SETBP1: variants seen among roughly 807,000 people sequenced by gnomAD.
SETBP1 encodes SET binding protein 1.
A neutral mutation model predicts 101.0 loss-of-function variants in SETBP1; 9 were observed. That is an observed-to-expected ratio of 0.09 (90% CI 0.05 to 0.16). SETBP1 has a LOEUF of 0.16. Ranked by LOEUF, SETBP1 falls within the 10% of genes least tolerant of loss-of-function variation. SETBP1 has a pLI of 1.00. For missense variants in SETBP1, 1,858 were observed against 2,033.8 expected (o/e 0.91, Z 1.66); for synonymous variants, 818 against 788.5 (o/e 1.04, Z -0.63).
At chr18:44,791,347 A>C (rs1235992055) in intron 2 of SETBP1, among the ~76,000 whole-genome samples, 1 of 152,218 alleles carries the variant, frequency 6.6e-6, no homozygotes, top group Non-Finnish European at 1.5e-5. Flanking sequence ...GTAGAGAAAG[A>C]AGATGGGAGA....
chr18:44,954,056 G>T (rs1337466590), intron 4 of SETBP1, among the ~76,000 whole-genome samples: 1 of 152,130 alleles, frequency 6.6e-6, no homozygotes, highest in East Asian at 1.9e-4. Flanking sequence ...GTGTCTCTTT[G>T]CATGCCCACT....
chr18:44,777,454 C>T (rs933128425), intron 2 of SETBP1, among the ~76,000 whole-genome samples: 2 of 152,266 alleles, frequency 1.3e-5, no homozygotes, highest in Non-Finnish European at 2.9e-5. Flanking sequence ...TTGAATGTCA[C>T]AGTTATGCAT....
Position 45,038,414 on chromosome 18 carries a change from T to C in SETBP1, c.4001-71T>C, listed in dbSNP as rs184255322. ...CATTTGACCATTTCCTCAGATCATGTCCAGGTTACATGTTGTCTATCTTCC... is the reference window on the plus strand; with the variant it reads ...CATTTGACCATTTCCTCAGATCATGCCCAGGTTACATGTTGTCTATCTTCC... On this transcript the variant is annotated intron_variant, in intron 4 of 5. Transcript: ENST00000649279. 3.4e-5 allele frequency: 46 copies of C among 1,357,994 alleles called. No individual in the cohort carries two copies. The Admixed American group carries it at 7.6e-4, about 22-fold the overall frequency. The allele number at this position is 1,357,994 out of a possible 1,614,324, so 84.1% of individuals were successfully genotyped here.
At chr18:44,868,700 ACGGAAGGAAGGG>A (rs2069189675) in intron 2 of SETBP1, among the ~76,000 whole-genome samples, 1 of 32,886 alleles carries the variant, frequency 3.0e-5, no homozygotes, top group African/African-American at 1.3e-4. Flanking sequence ...GAGAGAGAGG[ACGGAAGGAAGGG>A]AGGAAGGAAG....
chr18:44,883,031 G>A (rs981639396), intron 3 of SETBP1, among the ~76,000 whole-genome samples: 2 of 152,094 alleles, frequency 1.3e-5, no homozygotes, highest in Middle Eastern at 3.2e-3. Context: ...ATGGAGGGGA[G>A]GGCACCAAAT....
intron 2 of SETBP1, among the ~76,000 whole-genome samples, chr18:44,717,667 T>C (rs2069495687): frequency 6.6e-6 from 1 of 152,206 alleles, no homozygotes; most frequent in Admixed American, 6.5e-5. Context: ...ATGCACTAAA[T>C]TGGTAAAAAT....
rs545890559 is a variant in SETBP1, at chr18:45,067,033, G to T, written c.*3335G>T. 6.6e-6 allele frequency: 1 copy of T among 152,184 alleles called. No homozygotes were observed. Among genetic ancestry groups the T allele is most frequent in the Non-Finnish European group, 1.5e-5 (1 of 68,050 alleles). 9.4% of individuals were successfully genotyped at this position (152,184 alleles called of 1,614,324 possible). ...AAAACCCAAAGAAGAAAGGTCAAAG[G>T]AAGGGAAAGCATGTCAGGGGCTGGT... On this transcript the variant is annotated 3_prime_UTR_variant, in exon 6 of 6. Transcript: ENST00000649279.
intron 3 of SETBP1, among the ~76,000 whole-genome samples, chr18:44,893,503 ATAGT>A (rs1411070163): frequency 6.6e-6 from 1 of 152,160 alleles, no homozygotes; most frequent in South Asian, 2.1e-4. Flanking sequence ...GCTGGTGCAC[ATAGT>A]TAGTAGTCAA....
intron 5 of SETBP1, among the ~76,000 whole-genome samples, chr18:45,055,434 C>G (rs143721520): frequency 1.1e-3 from 173 of 152,144 alleles, no homozygotes; most frequent in African/African-American, 4.0e-3. Flanking sequence ...TTTCATTTTA[C>G]CTATTATTAA....
At chr18:44,936,390 TG>T (rs2070958072) in intron 3 of SETBP1, among the ~76,000 whole-genome samples, 2 of 152,370 alleles carry the variant, frequency 1.3e-5, no homozygotes, top group Admixed American at 1.3e-4. Flanking sequence ...GCCTGCCCCA[TG>T]GCTGTCTCTG....
chr18:44,815,628 G>A (rs190456731), intron 2 of SETBP1, among the ~76,000 whole-genome samples: 3 of 152,258 alleles, frequency 2.0e-5, no homozygotes, highest in Admixed American at 2.0e-4. Context: ...CTGTCCCTTG[G>A]AGGATGCAGG....
At chr18:44,844,364 C>G (rs1161919546) in intron 2 of SETBP1, among the ~76,000 whole-genome samples, 1 of 151,300 alleles carries the variant, frequency 6.6e-6, no homozygotes, top group African/African-American at 2.4e-5. Flanking sequence ...CACACACACA[C>G]ACACACACTA....
At chr18:44,982,227 G>A (rs888855668) in intron 4 of SETBP1, among the ~76,000 whole-genome samples, 5 of 152,158 alleles carry the variant, frequency 3.3e-5, no homozygotes, top group Admixed American at 6.5e-5. Context: ...GAGGAAAATG[G>A]TAGCATCATT....
At chr18:44,765,221 A>G (rs1037020179) in intron 2 of SETBP1, among the ~76,000 whole-genome samples, 1 of 152,148 alleles carries the variant, frequency 6.6e-6, no homozygotes, top group African/African-American at 2.4e-5. Flanking sequence ...ATAGAAGTGA[A>G]GATCAATTGA....
At chr18:44,686,043 C>T (rs1487011833) in intron 1 of SETBP1, among the ~76,000 whole-genome samples, 1 of 152,174 alleles carries the variant, frequency 6.6e-6, no homozygotes, top group Non-Finnish European at 1.5e-5. Flanking sequence ...GGGAGGTTCT[C>T]CATCAAGAAA....
chr18:44,813,651 T>C (rs1445425660), intron 2 of SETBP1, among the ~76,000 whole-genome samples: 3 of 152,210 alleles, frequency 2.0e-5, no homozygotes, highest in African/African-American at 7.2e-5. Flanking sequence ...TTACGCAGCT[T>C]TTGCCTTCTG....
chr18:44,807,823 A>G (rs1020351956), intron 2 of SETBP1, among the ~76,000 whole-genome samples: 1 of 152,178 alleles, frequency 6.6e-6, no homozygotes, highest in Non-Finnish European at 1.5e-5. Context: ...GGAAAATGGA[A>G]TTCACAAGGG....
intron 2 of SETBP1, among the ~76,000 whole-genome samples, chr18:44,850,124 T>A (rs2072817743): frequency 6.6e-6 from 1 of 152,224 alleles, no homozygotes; most frequent in South Asian, 2.1e-4. Flanking sequence ...GGATCTGGAA[T>A]GTTTCTTTAG....
intron 2 of SETBP1, among the ~76,000 whole-genome samples, chr18:44,715,571 T>A (rs1010972821): frequency 6.6e-6 from 1 of 152,216 alleles, no homozygotes; most frequent in Non-Finnish European, 1.5e-5. Flanking sequence ...AGTCCATCTG[T>A]GTTTGCTCAT....
Sources: gnomAD v4.1 joint callset for allele counts (sites outside exome capture counted in the v4.1 genomes callset) on GRCh38, gnomAD v4.1.1 for gene constraint, MANE v1.5 for transcripts, NCBI Gene and HGNC (gene_info 2026-07-23, HGNC 2026-07-21) for gene names.